Variants in RARB observed in about 807,000 individuals in gnomAD.
RARB encodes retinoic acid receptor beta.
A neutral mutation model predicts 51.9 loss-of-function variants in RARB; 17 were observed. That is an observed-to-expected ratio of 0.33 (90% confidence interval 0.22 to 0.49). The LOEUF is 0.49. RARB is among the 20% of genes least tolerant of loss of function. The pLI is 0.99. For synonymous variants in RARB, 215 were observed against 195.4 expected (o/e 1.10, Z -0.84); for missense variants, 369 against 550.8 (o/e 0.67, Z 3.30).
chr3:25,314,223 CATA>C (rs1160673496), intron 5 of RARB, among the ~76,000 whole-genome samples: 6 of 152,064 alleles, frequency 3.9e-5, no homozygotes, highest in African/African-American at 1.2e-4. Flanking sequence ...AGATATATCT[CATA>C]ATATTTTCCT....
chr3:25,246,269 T>A (rs1702558370), intron 5 of RARB, among the ~76,000 whole-genome samples: 1 of 152,120 alleles, frequency 6.6e-6, no homozygotes, highest in Non-Finnish European at 1.5e-5. Flanking sequence ...TAGAACATGC[T>A]CCTTTAGCAC....
chr3:25,071,571 CT>C (rs1168559239), intron 3 of RARB, among the ~76,000 whole-genome samples: 1 of 152,162 alleles, frequency 6.6e-6, no homozygotes, highest in African/African-American at 2.4e-5. Flanking sequence ...AAACTTAGTT[CT>C]TTTGCTTCCT....
intron 5 of RARB, among the ~76,000 whole-genome samples, chr3:25,254,919 A>G (rs1702824042): frequency 6.6e-6 from 1 of 152,196 alleles, no homozygotes; most frequent in South Asian, 2.1e-4. Context: ...CTTAGCAGCC[A>G]ACTGGTTTTT....
chr3:25,360,343 C>T (rs908652028), intron 5 of RARB, among the ~76,000 whole-genome samples: 1 of 152,148 alleles, frequency 6.6e-6, no homozygotes, highest in Non-Finnish European at 1.5e-5. Flanking sequence ...CTTCTTCCAT[C>T]CCTTTATTTT....
At chr3:25,097,782 T>C (rs1455239994) in intron 3 of RARB, among the ~76,000 whole-genome samples, 2 of 152,210 alleles carry the variant, frequency 1.3e-5, no homozygotes, top group South Asian at 2.1e-4. Context: ...GTTTCATATC[T>C]GTGTCTCAGG....
At chr3:25,191,182 A>G (rs1023471320) in intron 5 of RARB, among the ~76,000 whole-genome samples, 1 of 152,154 alleles carries the variant, frequency 6.6e-6, no homozygotes, top group African/African-American at 2.4e-5. Context: ...TCAAAACCCC[A>G]AGCAAACATA....
At chr3:25,539,836 A>G (rs1050879697) in intron 3 of RARB, among the ~76,000 whole-genome samples, 7 of 151,984 alleles carry the variant, frequency 4.6e-5, no homozygotes, top group African/African-American at 1.2e-4. Context: ...CTCTTAAACA[A>G]TATTAGTTTG....
intron 4 of RARB, among the ~76,000 whole-genome samples, chr3:25,168,232 C>G (rs1318966045): frequency 6.6e-6 from 1 of 151,712 alleles, no homozygotes; most frequent in African/African-American, 2.4e-5. Flanking sequence ...TTTTCTTTTT[C>G]TTTTTTGAGA....
At chr3:25,037,919 A>G (rs1477851205) in intron 2 of RARB, among the ~76,000 whole-genome samples, 1 of 152,172 alleles carries the variant, frequency 6.6e-6, no homozygotes, top group Non-Finnish European at 1.5e-5. Flanking sequence ...GAAAACCAGA[A>G]GAGAGAAAAA....
intron 3 of RARB, among the ~76,000 whole-genome samples, chr3:25,093,512 C>G (rs1699238643): frequency 6.6e-6 from 1 of 151,976 alleles, no homozygotes; most frequent in South Asian, 2.1e-4. Flanking sequence ...CAAACTAGAG[C>G]ACATTTTTAA....
intron 3 of RARB, among the ~76,000 whole-genome samples, chr3:25,108,811 AT>A (rs1699553380): frequency 6.6e-6 from 1 of 152,084 alleles, no homozygotes; most frequent in African/African-American, 2.4e-5. Flanking sequence ...AATTAAGCTA[AT>A]TTTTTTCAAC....
chr3:25,245,319 G>C (rs1177112357), intron 5 of RARB, among the ~76,000 whole-genome samples: 1 of 152,106 alleles, frequency 6.6e-6, no homozygotes, highest in African/African-American at 2.4e-5. Context: ...GGTTTATATT[G>C]TTTTGTGTGA....
intron 3 of RARB, chr3:25,555,613 A>G (rs1391894823): frequency 6.6e-6 from 1 of 152,218 alleles, no homozygotes; most frequent in East Asian, 1.9e-4. Context: ...GAATGATCAC[A>G]TTAAGAATTG....
chr3:25,275,551 C>T (rs191618075), intron 5 of RARB, among the ~76,000 whole-genome samples: 3 of 152,214 alleles, frequency 2.0e-5, no homozygotes, highest in Admixed American at 6.5e-5. Context: ...GTTAGCCATA[C>T]GGCAACCCTT....
rs1201480852 is a variant in RARB at position 25,459,607 on chromosome 3, C to T, written c.158-1586C>T. Among the ~76,000 whole-genome samples, 3 of 152,102 alleles carry T rather than the reference C, an allele frequency of 2.0e-5. No individual in the cohort carries two copies. In the East Asian group the frequency reaches 5.8e-4, roughly 29 times the overall value. ...GTGACCAATGAAGAAGCTATTGCAGCAGTTGTGAGAGGCGATGGTGGATTA... is the reference window on the plus strand; with the variant it reads ...GTGACCAATGAAGAAGCTATTGCAGTAGTTGTGAGAGGCGATGGTGGATTA... On this transcript the variant is annotated intron_variant, in intron 1 of 7. Transcript: ENST00000330688.
chr3:25,323,045 C>CTACA (rs1704615730), intron 5 of RARB, among the ~76,000 whole-genome samples: 2 of 152,188 alleles, frequency 1.3e-5, no homozygotes, highest in Non-Finnish European at 2.9e-5. Context: ...AGGGCCTCAC[C>CTACA]TACATGTTTG....
chr3:25,269,757 A>G (rs1360090040), intron 5 of RARB, among the ~76,000 whole-genome samples: 1 of 152,204 alleles, frequency 6.6e-6, no homozygotes, highest in African/African-American at 2.4e-5. Context: ...TTTTAACAAA[A>G]TGTGTATATT....
intron 5 of RARB, among the ~76,000 whole-genome samples, chr3:25,308,102 G>A (rs1373546673): frequency 6.6e-6 from 1 of 152,216 alleles, no homozygotes; most frequent in African/African-American, 2.4e-5. Flanking sequence ...CCAGCAGTGA[G>A]TGCAAGAGTA....
intron 4 of RARB, among the ~76,000 whole-genome samples, chr3:25,162,561 C>G (rs1014121666): frequency 6.6e-6 from 1 of 152,214 alleles, no homozygotes; most frequent in Non-Finnish European, 1.5e-5. Context: ...GAACTCCACA[C>G]TCATTAGCAG....
Sources: allele counts gnomAD v4.1 joint callset (sites outside exome capture counted in the v4.1 genomes callset), GRCh38; gene constraint gnomAD v4.1.1; transcripts MANE v1.5; gene names NCBI Gene and HGNC (gene_info 2026-07-23, HGNC 2026-07-21).